Variants in SCIN observed in about 807,000 individuals in gnomAD.
SCIN encodes scinderin, also known as adseverin.
In SCIN, 91 loss-of-function variants were observed where a neutral mutation model predicts 91.8. The ratio of observed to expected loss-of-function variants is 0.99; its 90% CI spans 0.84 to 1.18. The LOEUF (loss-of-function observed/expected upper bound fraction) is 1.18. SCIN is among the 50% of genes most tolerant of loss of function. The pLI is 0.00. For missense variants in SCIN, 1,087 were observed against 863.9 expected, an observed-to-expected ratio of 1.26 and a Z score of -3.24; for synonymous variants, 367 against 312.6, an observed-to-expected ratio of 1.17 and a Z score of -1.84.
intron 1 of SCIN, among the ~76,000 whole-genome samples, chr7:12,575,367 A>G (rs2115201229): frequency 6.7e-6 from 1 of 149,520 alleles, no homozygotes; most frequent in East Asian, 2.0e-4. Flanking sequence ...ACTTTATTGC[A>G]GTGGTTAGAA....
At chr7:12,602,061 C>T (rs1239461459) in intron 3 of SCIN, among the ~76,000 whole-genome samples, 1 of 152,130 alleles carries the variant, frequency 6.6e-6, no homozygotes, top group Non-Finnish European at 1.5e-5. Context: ...ATCGGCGGAA[C>T]CCGCTCCCAA....
intron 4 of SCIN, among the ~76,000 whole-genome samples, chr7:12,608,396 C>G (rs1412992574): frequency 1.3e-5 from 2 of 151,932 alleles, no homozygotes; most frequent in East Asian, 3.9e-4. Flanking sequence ...TTTTCTGAGA[C>G]CCTGGTGCAA....
intron 4 of SCIN, among the ~76,000 whole-genome samples, chr7:12,606,867 T>C (rs545030253): frequency 6.6e-6 from 1 of 152,368 alleles, no homozygotes; most frequent in Admixed American, 6.5e-5. Flanking sequence ...ATAACATAGC[T>C]AATAAATCAG....
chr7:12,608,007 G>C (rs1386454679), intron 4 of SCIN, among the ~76,000 whole-genome samples: 2 of 152,088 alleles, frequency 1.3e-5, no homozygotes, highest in Non-Finnish European at 2.9e-5. Context: ...GAACAGTACT[G>C]TGACTTTTCA....
chr7:12,636,079 A>G lies in SCIN; in HGVS notation c.1354A>G (p.Thr452Ala). ...GANATRDELT[T>A]SAFLTVQLDR... ...AAATGCCACACGAGATGAGCTGACA[A>G]CATCTGCGTTCCTGACTGTTCAGTT... The change falls in exon 10 of 16, where the codon ACA (threonine) becomes GCA (alanine). Residue 452 changes from threonine to alanine, a missense_variant. Transcript: ENST00000297029. 6.2e-7 allele frequency: 1 copy of G among 1,613,308 alleles called. No individual in the cohort carries two copies. Among genetic ancestry groups the G allele is most frequent in the African/African-American group, 1.3e-5 (1 of 75,010 alleles).
At position 12,655,171 on chromosome 7, in the gene SCIN, G is replaced by T. The variant is rs535692327; in HGVS notation, c.*2456G>T. 3 of 152,012 alleles carry T rather than the reference G, an allele frequency of 2.0e-5. No homozygotes were observed. Among genetic ancestry groups the T allele is most frequent in the Admixed American group, 2.0e-4 (3 of 15,244 alleles). The allele number at this position is 152,012 out of a possible 1,614,324, so 9.4% of individuals were successfully genotyped here. On this transcript the variant is annotated 3_prime_UTR_variant, in exon 16 of 16. Coordinates refer to ENST00000297029, the MANE Select transcript of SCIN (RefSeq NM_001112706.3). ...TTATAATACCTAATACAGTGTAAAC[G>T]CTGTGTAAACAGTTGTTATACTATA...
chr7:12,591,753 C>T (rs565214077), intron 3 of SCIN, among the ~76,000 whole-genome samples: 3 of 152,160 alleles, frequency 2.0e-5, no homozygotes, highest in African/African-American at 4.8e-5. Flanking sequence ...GAAAGGATTT[C>T]GCTTTTGGAG....
intron 9 of SCIN, 59 bp from the exon 10 acceptor site, chr7:12,635,986 A>T: frequency 2.5e-6 from 3 of 1,222,938 alleles, no homozygotes; most frequent in Non-Finnish European, 3.6e-6. Context: ...TGCAATGCCT[A>T]CATGTGACGA....
chr7:12,640,528 G>A lies in SCIN; in HGVS notation c.1581+11G>A. 5 of 1,598,554 alleles carry A rather than the reference G, an allele frequency of 3.1e-6. No individual in the cohort carries two copies. The highest frequency in any genetic ancestry group is 4.3e-6 in the Non-Finnish European group (5 of 1,173,158). On this transcript the variant is annotated intron_variant, in intron 11 of 15. Coordinates refer to ENST00000297029, the MANE Select transcript of SCIN (RefSeq NM_001112706.3). Reference sequence around the variant, plus strand: ...ACCAGAATTGTGGAGGTAATGTCATGCATTCCATAAAACATGCCCTAGTTA... The same window carrying A: ...ACCAGAATTGTGGAGGTAATGTCATACATTCCATAAAACATGCCCTAGTTA...
At chr7:12,630,595 G>T (rs1475114998) in intron 9 of SCIN, among the ~76,000 whole-genome samples, 1 of 152,200 alleles carries the variant, frequency 6.6e-6, no homozygotes, top group African/African-American at 2.4e-5. Context: ...TGTCCTAGAC[G>T]AATGCATTTA....
At position 12,570,724 on chromosome 7, in the gene SCIN, G is replaced by A; in HGVS notation, c.-63G>A. 6.6e-7 allele frequency: 1 copy of A among 1,524,752 alleles called. No homozygotes were observed. 94.5% of individuals were successfully genotyped at this position (1,524,752 alleles called of 1,614,324 possible). A position where few individuals can be genotyped will look rare whatever the true frequency, so the allele number is the denominator to read the frequency against. On this transcript the variant is annotated 5_prime_UTR_variant, in exon 1 of 16. Transcript: ENST00000297029. ...GGCGGCGAATAAGGTTCCTCCTGCTGCTCTCGGTTTAGTCCAAGATCAGCG... is the reference window on the plus strand; with the variant it reads ...GGCGGCGAATAAGGTTCCTCCTGCTACTCTCGGTTTAGTCCAAGATCAGCG...
chr7:12,578,574 G>C (rs1782421323), intron 2 of SCIN, among the ~76,000 whole-genome samples: 1 of 151,888 alleles, frequency 6.6e-6, no homozygotes, highest in Non-Finnish European at 1.5e-5. Flanking sequence ...TTTCATTTTT[G>C]CTATTCTAGA....
At chr7:12,638,427 A>G (rs949639474) in intron 10 of SCIN, among the ~76,000 whole-genome samples, 86 of 152,250 alleles carry the variant, frequency 5.6e-4, no homozygotes, top group African/African-American at 2.0e-3. Flanking sequence ...TTAGAGTTCA[A>G]ACTGAAAGCA....
intron 13 of SCIN, among the ~76,000 whole-genome samples, chr7:12,646,413 C>G (rs1043584449): frequency 6.6e-6 from 1 of 152,164 alleles, no homozygotes. Context: ...AGACACTAAG[C>G]AGGGGCACTG....
chr7:12,599,306 A>G (rs1782907598), intron 3 of SCIN, among the ~76,000 whole-genome samples: 1 of 152,196 alleles, frequency 6.6e-6, no homozygotes, highest in South Asian at 2.1e-4. Context: ...AATCACTTGC[A>G]AAATATCATG....
chr7:12,605,691 T>TTCTAAGTTTCAGACTCAAAG (rs1450464674), intron 4 of SCIN, among the ~76,000 whole-genome samples: 1 of 152,222 alleles, frequency 6.6e-6, no homozygotes, highest in African/African-American at 2.4e-5. Context: ...AGTTTCAGAC[T>TTCTAAGTTTCAGACTCAAAG]TTGGAGTATT....
chr7:12,600,309 C>T (rs1413559746), intron 3 of SCIN, among the ~76,000 whole-genome samples: 1 of 152,214 alleles, frequency 6.6e-6, no homozygotes, highest in African/African-American at 2.4e-5. Flanking sequence ...TATAAGAATG[C>T]AAAGGCATAA....
intron 3 of SCIN, among the ~76,000 whole-genome samples, chr7:12,599,345 A>G (rs994900356): frequency 1.3e-5 from 2 of 151,380 alleles, no homozygotes; most frequent in Non-Finnish European, 2.9e-5. Flanking sequence ...AATTTTAGCA[A>G]AACACTGCTT....
chr7:12,587,458 G>A (rs190440136), intron 3 of SCIN, among the ~76,000 whole-genome samples: 7 of 152,242 alleles, frequency 4.6e-5, no homozygotes, highest in East Asian at 1.9e-4. Flanking sequence ...TTGAGCTTTC[G>A]GCTTTGGCCT....
Sources: allele counts gnomAD v4.1 joint callset (sites outside exome capture counted in the v4.1 genomes callset), GRCh38; gene constraint gnomAD v4.1.1; transcripts MANE v1.5; gene names NCBI Gene and HGNC (gene_info 2026-07-23, HGNC 2026-07-21).